Variants in NRXN3 observed in about 807,000 individuals in gnomAD.
NRXN3 encodes the protein neurexin III.
In NRXN3, 32 loss-of-function variants were observed where a neutral mutation model predicts 137.6. The ratio of observed to expected loss-of-function variants is 0.23; its 90% confidence interval spans 0.18 to 0.31. The LOEUF is 0.31. NRXN3 is among the 10% of genes least tolerant of loss of function. The probability of loss-of-function intolerance (pLI) is 1.00; values close to 1 mark genes in which losing one functional copy is unlikely to be tolerated. For synonymous variants in NRXN3, 798 were observed against 784.5 expected (o/e 1.02, Z -0.29); for missense variants, 1,574 against 2,062.5 (o/e 0.76, Z 4.59).
chr14:79,259,085 GC>G (rs1316555714), intron 15 of NRXN3, among the ~76,000 whole-genome samples: 1 of 151,818 alleles, frequency 6.6e-6, no homozygotes, highest in African/African-American at 2.4e-5. Context: ...TGAGACACTT[GC>G]AAAAAAAAGA....
intron 4 of NRXN3, among the ~76,000 whole-genome samples, chr14:78,585,147 G>GA (rs1399373098): frequency 6.7e-6 from 1 of 148,852 alleles, no homozygotes; most frequent in Non-Finnish European, 1.5e-5. Flanking sequence ...TAAGGGGGGG[G>GA]GGTGATTAAT....
intron 4 of NRXN3, among the ~76,000 whole-genome samples, chr14:78,313,454 C>T (rs2078208170): frequency 6.6e-6 from 1 of 151,824 alleles, no homozygotes; most frequent in African/African-American, 2.4e-5. Flanking sequence ...AGTTTCCCTA[C>T]TTTTACCTCT....
intron 15 of NRXN3, among the ~76,000 whole-genome samples, chr14:79,247,838 A>G (rs2075400857): frequency 6.6e-6 from 1 of 151,878 alleles, no homozygotes; most frequent in South Asian, 2.1e-4. Context: ...TTCCACCTCT[A>G]TTCTTCTGCA....
intron 15 of NRXN3, among the ~76,000 whole-genome samples, chr14:79,365,211 C>T (rs184867644): frequency 5.9e-4 from 90 of 151,960 alleles, no homozygotes; most frequent in Admixed American, 2.4e-3. Flanking sequence ...ATTGATTTCT[C>T]GGTTTGCATT....
chr14:79,458,867 T>C (rs529167270), intron 15 of NRXN3, among the ~76,000 whole-genome samples: 6 of 152,242 alleles, frequency 3.9e-5, no homozygotes, highest in African/African-American at 1.4e-4. Flanking sequence ...TTATTCACTT[T>C]ATAAGAGGAC....
At chr14:78,537,134 G>C (rs2096543923) in intron 4 of NRXN3, among the ~76,000 whole-genome samples, 1 of 152,162 alleles carries the variant, frequency 6.6e-6, no homozygotes, top group Admixed American at 6.5e-5. Flanking sequence ...TTATGGGATT[G>C]CTGGGTCCAA....
At chr14:79,394,355 T>C (rs2094950033) in intron 15 of NRXN3, among the ~76,000 whole-genome samples, 1 of 152,220 alleles carries the variant, frequency 6.6e-6, no homozygotes, top group Non-Finnish European at 1.5e-5. Context: ...ATCTCAGTTC[T>C]CGTGATTAGT....
chr14:79,846,689 T>C (rs1045991852), intron 20 of NRXN3, among the ~76,000 whole-genome samples: 12 of 152,232 alleles, frequency 7.9e-5, no homozygotes, highest in Admixed American at 2.6e-4. Context: ...GACCCTACTG[T>C]ACCCTACGCA....
chr14:78,414,194 G>A (rs529696971), intron 4 of NRXN3, among the ~76,000 whole-genome samples: 1 of 149,722 alleles, frequency 6.7e-6, no homozygotes, highest in East Asian at 2.0e-4. Flanking sequence ...CATCCTTTTT[G>A]GATTTGTGAT....
intron 15 of NRXN3, among the ~76,000 whole-genome samples, chr14:79,082,235 T>C (rs186567345): frequency 2.0e-5 from 3 of 152,288 alleles, no homozygotes; most frequent in Admixed American, 2.0e-4. Context: ...TTAGGTGTTT[T>C]ATAAATTTAT....
At chr14:79,413,018 T>A (rs1011434035) in intron 15 of NRXN3, among the ~76,000 whole-genome samples, 5 of 152,156 alleles carry the variant, frequency 3.3e-5, no homozygotes, top group Non-Finnish European at 7.3e-5. Context: ...TCAAATTGAT[T>A]TGACTGTCCT....
At chr14:78,895,561 G>A (rs2099171061) in intron 10 of NRXN3, among the ~76,000 whole-genome samples, 1 of 151,854 alleles carries the variant, frequency 6.6e-6, no homozygotes, top group Non-Finnish European at 1.5e-5. Context: ...TATCATCTGT[G>A]TGTTCACTGG....
At chr14:78,446,186 C>T (rs61978283) in intron 4 of NRXN3, among the ~76,000 whole-genome samples, 9 of 152,274 alleles carry the variant, frequency 5.9e-5, no homozygotes, top group African/African-American at 9.6e-5. Context: ...TTTAACTCAG[C>T]GCAAGTTTTG....
intron 15 of NRXN3, among the ~76,000 whole-genome samples, chr14:79,208,607 C>T (rs1335365156): frequency 6.6e-6 from 1 of 152,108 alleles, no homozygotes; most frequent in Non-Finnish European, 1.5e-5. Flanking sequence ...ATTCAGTGAG[C>T]TCTTATTCTG....
chr14:78,991,333 T>A (rs1403153786), intron 15 of NRXN3, among the ~76,000 whole-genome samples: 1 of 152,232 alleles, frequency 6.6e-6, no homozygotes, highest in Non-Finnish European at 1.5e-5. Flanking sequence ...CAAGGAAACC[T>A]GGCTTTTACC....
Position 78,709,602 on chromosome 14 carries a change from A to C in NRXN3, c.1607A>C (p.Lys536Thr). 1 of 1,613,988 alleles carries C rather than the reference A, an allele frequency of 6.2e-7. No individual in the cohort carries two copies. Among genetic ancestry groups the C allele is most frequent in the Non-Finnish European group, 8.5e-7 (1 of 1,180,018 alleles). The change falls in exon 7 of 21, where the codon AAA becomes ACA. Residue 536 changes from lysine (K) to threonine (T), a missense_variant. Physicochemically the swap from Lys to Thr is moderately conservative, Grantham distance 78. Transcript: ENST00000335750. ...GTIKVKATQK[K>T]ANDGEWYHVD... ...ATCAAAGTGAAAGCCACTCAGAAGA[A>C]AGCCAATGATGGGGAATGGTACCAT... is the stretch of plus-strand genomic sequence containing the variant.
chr14:79,302,272 G>T (rs1395066722), intron 15 of NRXN3, among the ~76,000 whole-genome samples: 2 of 151,956 alleles, frequency 1.3e-5, no homozygotes, highest in Non-Finnish European at 2.9e-5. Context: ...CATTTGTGTT[G>T]CTATAAAGGA....
rs35832451 is a variant in NRXN3 at position 79,702,926 on chromosome 14, GA to G, written c.4014+5001del. ...ATGTCTCCATCCTGAGTTATCAGCAGAAAAAAAAAAAAGCTCAGTGTGTTCT... is the reference window on the plus strand; with the variant it reads ...ATGTCTCCATCCTGAGTTATCAGCAGAAAAAAAAAAAGCTCAGTGTGTTCT... On this transcript the variant is annotated intron_variant, in intron 19 of 20. Coordinates refer to ENST00000335750, the MANE Select transcript of NRXN3 (RefSeq NM_001330195.2). Among the ~76,000 whole-genome samples, 408 of 129,380 alleles carry G rather than the reference GA, an allele frequency of 3.2e-3. 1 individual carries two copies. Among genetic ancestry groups the G allele is most frequent in the African/African-American group, 9.9e-3 (330 of 33,286 alleles). 84.9% of individuals were successfully genotyped at this position (129,380 alleles called of 152,430 possible).
chr14:78,843,254 T>G (rs911109848), intron 10 of NRXN3, among the ~76,000 whole-genome samples: 4 of 152,180 alleles, frequency 2.6e-5, no homozygotes, highest in Non-Finnish European at 5.9e-5. Context: ...CTGCCATGGC[T>G]TCAGCTGGTC....
Sources: allele counts gnomAD v4.1 joint callset (sites outside exome capture counted in the v4.1 genomes callset), GRCh38; gene constraint gnomAD v4.1.1; transcripts MANE v1.5; gene names NCBI Gene and HGNC (gene_info 2026-07-23, HGNC 2026-07-21).